YTHDF2: variants seen among roughly 807,000 people sequenced by gnomAD.
YTHDF2 encodes YTH N6-methyladenosine RNA binding protein F2, also known as YTH domain-containing family protein 2.
YTHDF2 carries 2 observed loss-of-function variants against 50.4 expected under a neutral mutation model. That is an observed-to-expected ratio of 0.04 (90% CI 0.02 to 0.12). The LOEUF (loss-of-function observed/expected upper bound fraction) is 0.12, where lower values mean the gene tolerates loss of function less well. YTHDF2 is among the 10% of genes least tolerant of loss of function. The pLI is 1.00. For missense variants in YTHDF2, 483 were observed against 722.6 expected (o/e 0.67, Z 3.80); for synonymous variants, 217 against 255.6 (o/e 0.85, Z 1.44).
intron 4 of YTHDF2, among the ~76,000 whole-genome samples, chr1:28,760,151 C>A (rs563504794): frequency 6.6e-6 from 1 of 152,246 alleles, no homozygotes; most frequent in African/African-American, 2.4e-5. Context: ...TTCTGGAATA[C>A]CTCCTGAAGG....
chr1:28,760,270 GTTGTGTGTGT>G (rs1299171460), intron 4 of YTHDF2, among the ~76,000 whole-genome samples: 1 of 108,702 alleles, frequency 9.2e-6, no homozygotes, highest in African/African-American at 4.0e-5. Context: ...AACATAGTAG[GTTGTGTGTGT>G]GTGTGTGTGT....
intron 4 of YTHDF2, among the ~76,000 whole-genome samples, chr1:28,757,200 A>C (rs965075612): frequency 7.2e-5 from 11 of 152,358 alleles, no homozygotes; most frequent in African/African-American, 2.4e-4. Flanking sequence ...GTATCAAATG[A>C]AACATTCTAG....
In YTHDF2 at chr1:28,743,307, C is replaced by T. The variant is rs1194930189; in HGVS notation, c.1037C>T (p.Ala346Val). Reference sequence around the variant, plus strand: ...CAGCTTTCAGTCCAGCAACAGGCAGCTCAGCCAACCCGCTGGGTAGCACCT... The same window carrying T: ...CAGCTTTCAGTCCAGCAACAGGCAGTTCAGCCAACCCGCTGGGTAGCACCT... Reference protein sequence around the residue: ...PAQLSVQQQAAQPTRWVAPRN... With the variant: ...PAQLSVQQQAVQPTRWVAPRN... The change falls in exon 4 of 5, where the codon GCT (alanine) becomes GTT (valine). Residue 346 changes from alanine (A) to valine (V), a missense_variant. This residue lies in a region of YTHDF2 where 385 missense variants were observed against 475.8 expected (regional missense o/e 0.81). Transcript: ENST00000373812. The surrounding 1 kb of genome is among the most constrained non-coding windows in gnomAD (Gnocchi z 6.9). 21 of 1,614,166 alleles carry T rather than the reference C, an allele frequency of 1.3e-5. No homozygotes were observed. The highest frequency in any genetic ancestry group is 1.7e-5 in the Non-Finnish European group (20 of 1,180,042).
At position 28,737,669 on chromosome 1, in the gene YTHDF2, T is replaced by C; in HGVS notation, c.39T>C (p.Gly13=). ...TCCTTCCCCTGCAGAGACCAAAAGG[T>C]CAAGGAAACAAAGGTAAGTCCCGCT... The part of the protein sequence containing the change: ...ASSLLEQRPK[G]QGNKVQNGSV... Residue 13 remains glycine, a synonymous_variant, in exon 2 of 5, where the codon GGT becomes GGC. Transcript: ENST00000373812. 1 of 1,613,674 alleles carries C rather than the reference T, an allele frequency of 6.2e-7. No homozygotes were observed. The highest frequency in any genetic ancestry group is 1.1e-5 in the South Asian group (1 of 91,062).
At chr1:28,744,069 TAAAA>T (rs2087819767) in intron 4 of YTHDF2, 83 bp downstream of exon 4, 1 of 1,379,948 alleles carries the variant, frequency 7.2e-7, no homozygotes, top group Non-Finnish European at 9.6e-7. Flanking sequence ...GAACCGTTAA[TAAAA>T]ACTCTGTAAA....
Position 28,747,182 on chromosome 1 carries a change from C to T in YTHDF2, c.1716+3196C>T, listed in dbSNP as rs115399486. ...GAACTTGATATGTAGGTGTAAGATTCGTTTGTTGGAATTGACCAGCCTTTT... is the reference window on the plus strand; with the variant it reads ...GAACTTGATATGTAGGTGTAAGATTTGTTTGTTGGAATTGACCAGCCTTTT... On this transcript the variant is annotated intron_variant, in intron 4 of 4. Transcript: ENST00000373812. 6.0e-3 allele frequency among the ~76,000 whole-genome samples: 913 copies of T among 152,256 alleles called. 4 individuals carry two copies. The highest frequency in any genetic ancestry group is 0.02 in the African/African-American group (848 of 41,548).
intron 1 of YTHDF2, 163 bp downstream of exon 1, chr1:28,737,310 C>A: frequency 1.1e-6 from 1 of 912,352 alleles, no homozygotes; most frequent in Non-Finnish European, 1.6e-6. Context: ...GCCTCTCCCT[C>A]AGCCTGTTCT....
At position 28,749,548 on chromosome 1, in the gene YTHDF2, G is replaced by A. The variant is rs560906021; in HGVS notation, c.1716+5562G>A. 8.5e-5 allele frequency among the ~76,000 whole-genome samples: 13 copies of A among 152,126 alleles called. 1 individual carries two copies. Among genetic ancestry groups the A allele is most frequent in the African/African-American group, 3.1e-4 (13 of 41,424 alleles). On this transcript the variant is annotated intron_variant, in intron 4 of 4. Transcript: ENST00000373812. ...AAGGAGAGTTAACTTTCCTGAATGA[G>A]TGAATTTTTTAAAAGAAATTTCATA...
At chr1:28,754,820 T>G (rs1323677225) in intron 4 of YTHDF2, among the ~76,000 whole-genome samples, 8 of 151,576 alleles carry the variant, frequency 5.3e-5, no homozygotes, top group Non-Finnish European at 8.8e-5. Context: ...AACAAAAAAA[T>G]TAGCCAAGAG....
At chr1:28,756,392 C>CA (rs1374339994) in intron 4 of YTHDF2, among the ~76,000 whole-genome samples, 1 of 152,136 alleles carries the variant, frequency 6.6e-6, no homozygotes, top group Non-Finnish European at 1.5e-5. Context: ...AAGAATCACT[C>CA]AAGTATGAGC....
Position 28,769,184 on chromosome 1 carries a change from A to G in YTHDF2, c.*232A>G, listed in dbSNP as rs2088267944. 2 of 354,608 alleles carry G rather than the reference A, an allele frequency of 5.6e-6. No individual in the cohort carries two copies. The highest frequency in any genetic ancestry group is 1.0e-5 in the Non-Finnish European group (2 of 195,162). 22.0% of individuals were successfully genotyped at this position (354,608 alleles called of 1,614,324 possible). A position where few individuals can be genotyped will look rare whatever the true frequency, so the allele number is the denominator to read the frequency against. On this transcript the variant is annotated 3_prime_UTR_variant, in exon 5 of 5. Coordinates refer to ENST00000373812, the MANE Select transcript of YTHDF2 (RefSeq NM_016258.3). ...AAAATCCCTCTAGGTAGTTTAGGTG[A>G]AAAATGTCCCTTTTATTTTGGCTTT...
chr1:28,736,959 G>T lies in YTHDF2; in HGVS notation c.-162G>T. On this transcript the variant is annotated 5_prime_UTR_variant, in exon 1 of 5. Coordinates refer to ENST00000373812, the MANE Select transcript of YTHDF2 (RefSeq NM_016258.3). ...TGGGCTAGAGCGTCGCCGAGTCGGAGCCGGAGCCTGAGCCGCGCGCTGTGT... is the reference window on the plus strand; with the variant it reads ...TGGGCTAGAGCGTCGCCGAGTCGGATCCGGAGCCTGAGCCGCGCGCTGTGT... 1 of 837,558 alleles carries T rather than the reference G, an allele frequency of 1.2e-6. No homozygotes were observed. The highest frequency in any genetic ancestry group is 2.9e-5 in the East Asian group (1 of 34,760). The allele number at this position is 837,558 out of a possible 1,614,324, so 51.9% of individuals were successfully genotyped here.
intron 4 of YTHDF2, among the ~76,000 whole-genome samples, chr1:28,768,430 A>G (rs1212445522): frequency 1.3e-5 from 2 of 151,574 alleles, no homozygotes; most frequent in Non-Finnish European, 2.9e-5. Context: ...AGGGCTTTCT[A>G]TATGTCAGCT....
intron 4 of YTHDF2, among the ~76,000 whole-genome samples, chr1:28,744,487 T>C (rs1406330761): frequency 6.6e-6 from 1 of 151,998 alleles, no homozygotes; most frequent in Non-Finnish European, 1.5e-5. Flanking sequence ...TGTAAAAGAG[T>C]CACTTCTGAT....
intron 4 of YTHDF2, among the ~76,000 whole-genome samples, chr1:28,763,779 G>C (rs1194378465): frequency 6.8e-6 from 1 of 147,640 alleles, no homozygotes; most frequent in Admixed American, 6.7e-5. Flanking sequence ...TTGGGATTAT[G>C]GGCGTGAGCC....
Position 28,743,783 on chromosome 1 carries a change from G to A in YTHDF2, c.1513G>A (p.Val505Ile), listed in dbSNP as rs777832655. The A allele has an allele frequency of 1.2e-6, 2 of 1,613,358 alleles. No homozygotes were observed. The highest frequency in any genetic ancestry group is 2.2e-5 in the East Asian group (1 of 44,870). The change falls in exon 4 of 5, where the codon GTT becomes ATT. Residue 505 changes from valine (V) to isoleucine (I), a missense_variant. Coordinates refer to ENST00000373812, the MANE Select transcript of YTHDF2 (RefSeq NM_016258.3). The surrounding 1 kb of genome is among the most constrained non-coding windows in gnomAD (Gnocchi z 6.9). ...FDVRWIFVKD[V>I]PNSQLRHIRL... ...TGTCAGGTGGATTTTTGTGAAGGAC[G>A]TTCCCAATAGCCAACTGCGACACAT... is the stretch of plus-strand genomic sequence containing the variant.
At chr1:28,759,416 C>T (rs938404291) in intron 4 of YTHDF2, among the ~76,000 whole-genome samples, 5 of 152,138 alleles carry the variant, frequency 3.3e-5, no homozygotes, top group African/African-American at 1.2e-4. Flanking sequence ...AATCATGCAT[C>T]CCTTAGCGAT....
At chr1:28,761,723 ACT>A (rs1000852954) in intron 4 of YTHDF2, among the ~76,000 whole-genome samples, 6 of 151,490 alleles carry the variant, frequency 4.0e-5, no homozygotes, top group South Asian at 2.1e-4. Context: ...CAAGAGCGAA[ACT>A]CTGTCTCAAA....
chr1:28,737,145 C>G lies in YTHDF2; in HGVS notation c.25C>G (p.Gln9Glu), dbSNP rs1254649991. MSASSLLE[Q>E]RPKGQGNKVQ... Reference sequence around the variant, plus strand: ...CATGTCGGCCAGCAGCCTCTTGGAGCAGGTACAGGCCCGGCCCGCATGCCT... The same window carrying G: ...CATGTCGGCCAGCAGCCTCTTGGAGGAGGTACAGGCCCGGCCCGCATGCCT... The change falls in exon 1 of 5, where the codon CAG becomes GAG. Residue 9 changes from glutamine (Q) to glutamate (E), a missense_variant and splice_region_variant. Physicochemically the swap from Gln to Glu is conservative, Grantham distance 29. This residue lies in a region of YTHDF2 where 385 missense variants were observed against 475.8 expected (regional missense o/e 0.81). Transcript: ENST00000373812. 1 of 1,598,590 alleles carries G rather than the reference C, an allele frequency of 6.3e-7. No individual in the cohort carries two copies. Among genetic ancestry groups the G allele is most frequent in the Non-Finnish European group, 8.5e-7 (1 of 1,174,608 alleles).
Sources: gnomAD v4.1 joint callset for allele counts (sites outside exome capture counted in the v4.1 genomes callset) on GRCh38, gnomAD v4.1.1 for gene constraint, gnomAD v4.1.1 regional missense constraint, Gnocchi (gnomAD v3.1) non-coding constraint, MANE v1.5 for transcripts, NCBI Gene and HGNC (gene_info 2026-07-23, HGNC 2026-07-21) for gene names.